TMPRSS15: variants seen among roughly 807,000 people sequenced by gnomAD.
TMPRSS15 encodes transmembrane serine protease 15, also known as enteropeptidase.
TMPRSS15 carries 128 observed loss-of-function variants against 125.3 expected under a neutral mutation model. The ratio of observed to expected loss-of-function variants is 1.02; its 90% CI spans 0.89 to 1.18. The LOEUF (loss-of-function observed/expected upper bound fraction) is 1.18. Among genes scored for constraint, TMPRSS15 ranks in the 50% most tolerant of loss-of-function variants. The pLI is 0.00. For missense variants in TMPRSS15, 1,283 were observed against 1,212.7 expected (o/e 1.06, Z -0.86); for synonymous variants, 446 against 423.2 (o/e 1.05, Z -0.66).
At chr21:18,359,902 C>G in intron 7 of TMPRSS15, 39 bp from the exon 8 acceptor site, 1 of 973,960 alleles carries the variant, frequency 1.0e-6, no homozygotes, top group Non-Finnish European at 1.7e-6. Flanking sequence ...AAATTTTTAA[C>G]AGTTGTCATA....
In TMPRSS15 at chr21:18,353,064, A is replaced by AAAAAGAAG; in HGVS notation, c.1022-13_1022-12insCTTCTTTT. The AAAAAGAAG allele has an allele frequency of 6.2e-7, 1 of 1,607,280 alleles. No individual in the cohort carries two copies. Among genetic ancestry groups the AAAAAGAAG allele is most frequent in the Non-Finnish European group, 8.5e-7 (1 of 1,177,278 alleles). On this transcript the variant is annotated splice_polypyrimidine_tract_variant and intron_variant, in intron 9 of 24. Coordinates refer to ENST00000284885, the MANE Select transcript of TMPRSS15 (RefSeq NM_002772.3). ...AATTTTCTCATAATCTGTGAATGAA[A>AAAAAGAAG]AAAAAGAAGGAATAAAAAAAATTTA...
intron 23 of TMPRSS15, among the ~76,000 whole-genome samples, chr21:18,278,160 C>G (rs1454206692): frequency 3.3e-5 from 5 of 151,980 alleles, no homozygotes; most frequent in African/African-American, 1.2e-4. Context: ...GAGTGTGAGG[C>G]CTTCACATTA....
rs567883237 is a variant in TMPRSS15, at chr21:18,474,981, C to T, written c.10+10818G>A. Reference sequence around the variant, plus strand: ...TGAGTTAGATGAGATTATACAGCTACGTGGTCTAGGAAGATGTGAGACCAT... The same window carrying T: ...TGAGTTAGATGAGATTATACAGCTATGTGGTCTAGGAAGATGTGAGACCAT... On this transcript the variant is annotated intron_variant, in intron 1 of 7. Coordinates refer to the TMPRSS15 transcript ENST00000422787. Among the ~76,000 whole-genome samples the T allele has an allele frequency of 8.5e-5, 13 of 152,262 alleles. No homozygotes were observed. In the East Asian group the frequency reaches 1.5e-3, roughly 18 times the overall value.
chr21:18,326,730 C>T (rs1267567899), intron 15 of TMPRSS15, among the ~76,000 whole-genome samples, 158 bp from the exon 16 acceptor site: 2 of 152,228 alleles, frequency 1.3e-5, no homozygotes, highest in African/African-American at 4.8e-5. Context: ...CATTCTCTTA[C>T]ATTTTGAACA....
intron 1 of TMPRSS15, among the ~76,000 whole-genome samples, chr21:18,485,301 T>C (rs527638707): frequency 1.1e-4 from 17 of 152,080 alleles, no homozygotes; most frequent in Middle Eastern, 3.4e-3. Flanking sequence ...TTTCAATCTT[T>C]ATGTATTTTT....
intron 24 of TMPRSS15, among the ~76,000 whole-genome samples, chr21:18,270,373 C>T (rs937282566): frequency 5.3e-5 from 8 of 152,034 alleles, no homozygotes; most frequent in African/African-American, 1.4e-4. Context: ...GTAAAAGTTT[C>T]TCCACTTTAA....
chr21:18,421,653 C>T (rs963735936), intron 1 of TMPRSS15, among the ~76,000 whole-genome samples: 3 of 152,152 alleles, frequency 2.0e-5, no homozygotes, highest in Admixed American at 2.0e-4. Context: ...TATGCAATTT[C>T]TATTCCTTTG....
At chr21:18,398,411 A>T in intron 1 of TMPRSS15, 82 bp from the exon 2 acceptor site, 1 of 1,464,322 alleles carries the variant, frequency 6.8e-7, no homozygotes, top group Non-Finnish European at 9.5e-7. Flanking sequence ...AAGACATAGA[A>T]GTAAAGCTCT....
chr21:18,274,301 A>G (rs879568419), intron 24 of TMPRSS15, among the ~76,000 whole-genome samples: 2 of 152,216 alleles, frequency 1.3e-5, no homozygotes, highest in Non-Finnish European at 2.9e-5. Context: ...TGTTAAAGCC[A>G]GGATCAAACA....
chr21:18,352,934 G>T lies in TMPRSS15; in HGVS notation c.1140C>A (p.Pro380=). ...QGSTFSPFTG[P]NFDHTFGNAS... ...CATTGCCAAAAGTGTGGTCAAAATT[G>T]GGTCCAGTAAAAGGAGAAAAGGTGC... The change falls in exon 10 of 25, where the codon CCC becomes CCA. Residue 380 remains proline (P), a synonymous_variant. Transcript: ENST00000284885. 1 of 1,612,150 alleles carries T rather than the reference G, an allele frequency of 6.2e-7. No individual in the cohort carries two copies. The highest frequency in any genetic ancestry group is 8.5e-7 in the Non-Finnish European group (1 of 1,178,796).
intron 1 of TMPRSS15, among the ~76,000 whole-genome samples, chr21:18,463,983 G>A (rs2122954285): frequency 5.3e-4 from 80 of 151,990 alleles, no homozygotes; most frequent in Non-Finnish European, 1.0e-3. Flanking sequence ...GACCATCCTG[G>A]CAAACACAGT....
At position 18,439,993 on chromosome 21, in the gene TMPRSS15, A is replaced by T. The variant is rs563404379; in HGVS notation, c.11-41664T>A. On this transcript the variant is annotated intron_variant, in intron 1 of 7. Transcript: ENST00000422787. ...TGTTGTGGATAAGTTTTATAATTAC[A>T]CAGTACCATGGGACCATAGATGACT... is the stretch of plus-strand genomic sequence containing the variant. Among the ~76,000 whole-genome samples, 3 of 152,314 alleles carry T rather than the reference A, an allele frequency of 2.0e-5. No individual in the cohort carries two copies. The East Asian group carries it at 5.8e-4, about 29-fold the overall frequency.
intron 1 of TMPRSS15, among the ~76,000 whole-genome samples, chr21:18,461,198 C>A (rs1427546008): frequency 6.6e-6 from 1 of 152,182 alleles, no homozygotes; most frequent in Non-Finnish European, 1.5e-5. Context: ...TCACGATTGC[C>A]TAACAGACCA....
At chr21:18,285,364 T>C (rs1277592356) in intron 21 of TMPRSS15, among the ~76,000 whole-genome samples, 1 of 152,184 alleles carries the variant, frequency 6.6e-6, no homozygotes. Context: ...ACAGCTATGA[T>C]AGAGCATCAC....
chr21:18,352,756 T>A, intron 10 of TMPRSS15, 147 bp downstream of exon 10: 2 of 798,946 alleles, frequency 2.5e-6, no homozygotes, highest in Non-Finnish European at 2.1e-6. Context: ...GATTACCATT[T>A]TTCATTTAAT....
intron 18 of TMPRSS15, among the ~76,000 whole-genome samples, chr21:18,308,374 A>T (rs1485022901): frequency 8.6e-6 from 1 of 116,760 alleles, no homozygotes; most frequent in African/African-American, 3.4e-5. Flanking sequence ...AATAAAAAGA[A>T]TTACACACAC....
At chr21:18,297,910 G>A (rs532880293) in intron 18 of TMPRSS15, 81 bp from the exon 19 acceptor site, 17 of 1,064,606 alleles carry the variant, frequency 1.6e-5, no homozygotes, top group Middle Eastern at 2.3e-4. Flanking sequence ...GTTCCTTAAT[G>A]CTATGGACAT....
chr21:18,451,544 G>A (rs1978339751), intron 1 of TMPRSS15, among the ~76,000 whole-genome samples: 1 of 152,148 alleles, frequency 6.6e-6, no homozygotes, highest in Non-Finnish European at 1.5e-5. Context: ...GCATTGAGGT[G>A]TTTAAGCTGC....
intron 4 of TMPRSS15, chr21:18,380,671 A>C (rs1295740202): frequency 1.1e-5 from 5 of 439,782 alleles, no homozygotes; most frequent in Non-Finnish European, 2.4e-5. Context: ...TATTCATTCA[A>C]AGGGCATCTG....
Sources: allele counts gnomAD v4.1 joint callset (sites outside exome capture counted in the v4.1 genomes callset), GRCh38; gene constraint gnomAD v4.1.1; transcripts MANE v1.5; gene names NCBI Gene and HGNC (gene_info 2026-07-23, HGNC 2026-07-21).